Variants in BTD observed in about 807,000 individuals in gnomAD.
BTD encodes the protein biocytinase.
Under a neutral mutation model 17.7 loss-of-function variants are expected in BTD, and 13 were observed. The observed-to-expected ratio is 0.74, with a 90% CI of 0.48 to 1.17. The LOEUF (loss-of-function observed/expected upper bound fraction) is 1.17. BTD is among the 50% of genes most tolerant of loss of function. The pLI is 0.00. For synonymous variants in BTD, 240 were observed against 245.2 expected, an observed-to-expected ratio of 0.98 and a Z score of 0.20; for missense variants, 674 against 650.4, an observed-to-expected ratio of 1.04 and a Z score of -0.39.
chr3:15,612,157 G>C (rs1170947201), intron 1 of BTD, among the ~76,000 whole-genome samples: 1 of 152,048 alleles, frequency 6.6e-6, no homozygotes. Flanking sequence ...TACATTGCCA[G>C]AGTTAATAAC....
rs535281912 is a variant in BTD at position 15,676,689 on chromosome 3, A to T, written c.400-33371A>T. The T allele has an allele frequency of 3.7e-5, 10 of 267,260 alleles. No individual in the cohort carries two copies. In the Admixed American group the frequency reaches 5.0e-4, roughly 13 times the overall value. The allele number at this position is 267,260 out of a possible 1,614,324, so 16.6% of individuals were successfully genotyped here. A position where few individuals can be genotyped will look rare whatever the true frequency, so the allele number is the denominator to read the frequency against. The stretch of plus-strand genomic sequence containing the variant: ...TATTATTACAGTTGATTTCCACAGA[A>T]TACACAAAATAGTACTACTTTCCTT... On this transcript the variant is annotated intron_variant, in intron 3 of 3. Transcript: ENST00000672141.
At position 15,649,169 on chromosome 3, in the gene BTD, G is replaced by T. The variant is rs886302406; in HGVS notation, c.*3681G>T. Among the ~76,000 whole-genome samples, 1 of 152,226 alleles carries T rather than the reference G, an allele frequency of 6.6e-6. No individual in the cohort carries two copies. Among genetic ancestry groups the T allele is most frequent in the African/African-American group, 2.4e-5 (1 of 41,468 alleles). On this transcript the variant is annotated 3_prime_UTR_variant, in exon 4 of 4. Coordinates refer to ENST00000643237, the MANE Select transcript of BTD (RefSeq NM_001370658.1). ...AATGGCCCATTCACACAGCTGGCACGTTGGTGCTGGCTGCTAGCAAAAGGT... is the reference window on the plus strand; with the variant it reads ...AATGGCCCATTCACACAGCTGGCACTTTGGTGCTGGCTGCTAGCAAAAGGT...
Position 15,675,223 on chromosome 3 carries a change from A to T in BTD, c.399+33166A>T, listed in dbSNP as rs576955009. Among the ~76,000 whole-genome samples, 3 of 152,262 alleles carry T rather than the reference A, an allele frequency of 2.0e-5. No individual in the cohort carries two copies. In the South Asian group the frequency reaches 6.2e-4, roughly 32 times the overall value. On this transcript the variant is annotated intron_variant, in intron 3 of 3. Transcript: ENST00000672141. ...GAGGCGGAGGTTGCAGTAAGCCGAG[A>T]TCATGGCACTGCACTCCAGCCTGGG...
At chr3:15,629,093 A>G (rs1424721041) in intron 1 of BTD, among the ~76,000 whole-genome samples, 11 of 152,204 alleles carry the variant, frequency 7.2e-5, no homozygotes. Flanking sequence ...TTCATTAAAT[A>G]TGGTAGAAAT....
At position 15,719,723 on chromosome 3, in the gene BTD, AT is replaced by A. The variant is rs575358346; in HGVS notation, c.1016-2037del. On this transcript the variant is annotated intron_variant, in intron 4 of 4. Transcript: ENST00000672427. ...ACCTAGGACTACAGGATAATTTTTA[AT>A]TTTTTTTTTGGTAGAGATAGAGGTC... Among the ~76,000 whole-genome samples the A allele has an allele frequency of 4.8e-3, 709 of 149,204 alleles. 4 individuals are homozygous for A. The highest frequency in any genetic ancestry group is 7.8e-3 in the Admixed American group (117 of 14,940).
chr3:15,709,161 T>A (rs2071877858), intron 3 of BTD, among the ~76,000 whole-genome samples: 1 of 152,112 alleles, frequency 6.6e-6, no homozygotes, highest in Non-Finnish European at 1.5e-5. Context: ...CTTAGTGGGA[T>A]GTGTGGATAT....
rs962640551 is a variant in BTD at position 15,666,532 on chromosome 3, G to T, written c.399+24475G>T. Among the ~76,000 whole-genome samples the T allele has an allele frequency of 2.6e-5, 4 of 152,166 alleles. No homozygotes were observed. The East Asian group carries it at 5.8e-4, about 22-fold the overall frequency. ...CTGGTACATGATAAATGCTGCATAGGCATTTTCTATTATTATTACCTGCAT... is the reference window on the plus strand; with the variant it reads ...CTGGTACATGATAAATGCTGCATAGTCATTTTCTATTATTATTACCTGCAT... On this transcript the variant is annotated intron_variant, in intron 3 of 3. Transcript: ENST00000672141.
chr3:15,655,171 A>C (rs2065859486), downstream of BTD, among the ~76,000 whole-genome samples: 2 of 152,254 alleles, frequency 1.3e-5, no homozygotes, highest in African/African-American at 4.8e-5. Context: ...TTGTTTAGTA[A>C]CTATTAGAGG....
At chr3:15,713,818 T>C (rs993780190), downstream of BTD, among the ~76,000 whole-genome samples, 2 of 152,234 alleles carry the variant, frequency 1.3e-5, no homozygotes, top group Non-Finnish European at 2.9e-5. Flanking sequence ...GCTTTTATAC[T>C]TAAAGCAATT....
At chr3:15,709,541 C>A in intron 3 of BTD, 1 of 561,598 alleles carries the variant, frequency 1.8e-6, no homozygotes, top group South Asian at 3.1e-5. Context: ...TCAGCTGGGA[C>A]TCTCAATGAA....
At chr3:15,686,457 G>T in intron 3 of BTD, 1 of 666,232 alleles carries the variant, frequency 1.5e-6, no homozygotes, top group Non-Finnish European at 2.5e-6. Flanking sequence ...TAAAAAGAAG[G>T]TTTCTACGGC....
At chr3:15,606,835 A>G (rs1238390665) in intron 1 of BTD, 1 of 152,212 alleles carries the variant, frequency 6.6e-6, no homozygotes, top group Non-Finnish European at 1.5e-5. Flanking sequence ...AATTACAGCC[A>G]GCTTGTCCAA....
In BTD at chr3:15,652,983, G is replaced by A. The variant is rs545548776; in HGVS notation, c.*7495G>A. 2.6e-5 allele frequency among the ~76,000 whole-genome samples: 4 copies of A among 152,270 alleles called. No homozygotes were observed. Among genetic ancestry groups the A allele is most frequent in the South Asian group, 2.1e-4 (1 of 4,824 alleles). The stretch of plus-strand genomic sequence containing the variant: ...GAACAAACTTGTTTGCTTTGAAATC[G>A]GAAGTTCTAGAGGAGGTATTCTGAC... On this transcript the variant is annotated 3_prime_UTR_variant, in exon 4 of 4. Transcript: ENST00000643237.
At chr3:15,630,353 C>CT (rs2065175876) in intron 1 of BTD, among the ~76,000 whole-genome samples, 1 of 152,186 alleles carries the variant, frequency 6.6e-6, no homozygotes, top group African/African-American at 2.4e-5. Flanking sequence ...TAGCAACTGT[C>CT]TGAGAATCAG....
intron 3 of BTD, chr3:15,667,167 A>T (rs1189167926): frequency 6.6e-6 from 1 of 152,248 alleles, no homozygotes; most frequent in Admixed American, 6.5e-5. Context: ...AAGGAAAAAA[A>T]ACTTGTCAAT....
Position 15,645,118 on chromosome 3 carries a change from G to A in BTD, c.1202G>A (p.Gly401Asp). 6.2e-7 allele frequency: 1 copy of A among 1,614,150 alleles called. No homozygotes were observed. The highest frequency in any genetic ancestry group is 1.1e-5 in the South Asian group (1 of 91,080). The change falls in exon 4 of 4, where the codon GGC becomes GAC. Residue 401 changes from glycine to aspartate, a missense_variant. Coordinates refer to ENST00000643237, the MANE Select transcript of BTD (RefSeq NM_001370658.1). ...GGCTATCTCCACGTCTGTTCCAATGGCCTCTGCTGTTATTTACTTTACGAG... is the reference window on the plus strand; with the variant it reads ...GGCTATCTCCACGTCTGTTCCAATGACCTCTGCTGTTATTTACTTTACGAG... ...KEGYLHVCSN[G>D]LCCYLLYERP...
chr3:15,641,389 C>A (rs1240435346), intron 2 of BTD, among the ~76,000 whole-genome samples: 1 of 152,188 alleles, frequency 6.6e-6, no homozygotes, highest in African/African-American at 2.4e-5. Flanking sequence ...ACTATCCCAC[C>A]CACAGTCAAT....
chr3:15,631,898 A>T (rs2065218619), intron 1 of BTD, among the ~76,000 whole-genome samples: 1 of 152,156 alleles, frequency 6.6e-6, no homozygotes, highest in South Asian at 2.1e-4. Context: ...TCCAGAATGG[A>T]AGAGGATGAG....
At chr3:15,679,248 GCATGAGC>G (rs1388528476) in intron 3 of BTD, 13 of 1,525,994 alleles carry the variant, frequency 8.5e-6, no homozygotes, top group Middle Eastern at 3.4e-4. Flanking sequence ...AGGATTATAG[GCATGAGC>G]CACTGTGCCT....
Sources: gnomAD v4.1 joint callset for allele counts (sites outside exome capture counted in the v4.1 genomes callset) on GRCh38, gnomAD v4.1.1 for gene constraint, MANE v1.5 for transcripts, NCBI Gene and HGNC (gene_info 2026-07-23, HGNC 2026-07-21) for gene names.